Variants in EXOC5 observed in about 807,000 individuals in gnomAD.
EXOC5 encodes the protein SEC10-like 1.
In EXOC5, 17 loss-of-function variants were observed where a neutral mutation model predicts 90.8. The ratio of observed to expected loss-of-function variants is 0.19; its 90% CI spans 0.13 to 0.28. The LOEUF is 0.28. EXOC5 is among the 10% of genes least tolerant of loss of function. The pLI is 1.00. For synonymous variants in EXOC5, 260 were observed against 270.0 expected, an observed-to-expected ratio of 0.96 and a Z score of 0.36; for missense variants, 569 against 830.6, an observed-to-expected ratio of 0.69 and a Z score of 3.87.
At chr14:57,228,327 A>T (rs1012040320) in intron 12 of EXOC5, among the ~76,000 whole-genome samples, 2 of 152,180 alleles carry the variant, frequency 1.3e-5, no homozygotes, top group South Asian at 4.1e-4. Context: ...CAGAATTACC[A>T]TTTGACCCAG....
At chr14:57,242,753 T>C (rs1883908774) in intron 4 of EXOC5, among the ~76,000 whole-genome samples, 1 of 152,138 alleles carries the variant, frequency 6.6e-6, no homozygotes, top group Non-Finnish European at 1.5e-5. Flanking sequence ...TATCTAATAA[T>C]TGGCAATCTA....
intron 1 of EXOC5, among the ~76,000 whole-genome samples, chr14:57,265,458 C>A (rs1474697083): frequency 1.3e-5 from 2 of 152,100 alleles, no homozygotes; most frequent in Admixed American, 6.5e-5. Flanking sequence ...CACGGTGGCT[C>A]ACACCTGTAA....
intron 12 of EXOC5, among the ~76,000 whole-genome samples, chr14:57,227,382 T>A (rs1393555565): frequency 6.6e-6 from 1 of 152,228 alleles, no homozygotes; most frequent in Non-Finnish European, 1.5e-5. Flanking sequence ...TAAATTGTTG[T>A]ATAGTTTTCT....
intron 15 of EXOC5, among the ~76,000 whole-genome samples, chr14:57,213,107 G>C (rs1375835747): frequency 6.6e-6 from 1 of 150,976 alleles, no homozygotes; most frequent in African/African-American, 2.5e-5. Flanking sequence ...AGTGCTGCTA[G>C]GCATGGTGAC....
chr14:57,225,966 T>C (rs1440375880), intron 12 of EXOC5, among the ~76,000 whole-genome samples: 1 of 152,196 alleles, frequency 6.6e-6, no homozygotes, highest in African/African-American at 2.4e-5. Context: ...ACAATTTGCA[T>C]GTCAGAGGTG....
intron 1 of EXOC5, among the ~76,000 whole-genome samples, chr14:57,250,809 A>C (rs1310522509): frequency 1.3e-5 from 2 of 152,222 alleles, no homozygotes; most frequent in African/African-American, 4.8e-5. Flanking sequence ...CTAATCATGC[A>C]GGATGGCAAA....
At position 57,231,612 on chromosome 14, in the gene EXOC5, T is replaced by C; in HGVS notation, c.1042A>G (p.Asn348Asp). 1 of 1,612,948 alleles carries C rather than the reference T, an allele frequency of 6.2e-7. No homozygotes were observed. The highest frequency in any genetic ancestry group is 1.7e-5 in the Admixed American group (1 of 60,012). ...IKSIFISYLE[N>D]YIEVETGYLK... is the part of the protein sequence containing the mutation. Reference sequence around the variant, plus strand: ...TATCCAGTCTCCACCTCAATATAGTTCTCCAAATAGGAAATGAAAATGGAT... The same window carrying C: ...TATCCAGTCTCCACCTCAATATAGTCCTCCAAATAGGAAATGAAAATGGAT... The change falls in exon 11 of 18, where the codon AAC (asparagine) becomes GAC (aspartate). Residue 348 changes from asparagine (N) to aspartate (D), a missense_variant. Transcript: ENST00000621441.
In EXOC5 at chr14:57,229,728, T is replaced by C. The variant is rs998005748; in HGVS notation, c.1296+6A>G. Reference sequence around the variant, plus strand: ...ATATGTAAAATACATTTACAATCACTCTTACCCTATGACATCTTTCAAAGG... The same window carrying C: ...ATATGTAAAATACATTTACAATCACCCTTACCCTATGACATCTTTCAAAGG... On this transcript the variant is annotated splice_donor_region_variant and intron_variant, in intron 12 of 17. Transcript: ENST00000621441. 1.1e-5 allele frequency: 17 copies of C among 1,507,818 alleles called. No homozygotes were observed. The highest frequency in any genetic ancestry group is 1.4e-5 in the African/African-American group (1 of 72,506). 93.4% of individuals were successfully genotyped at this position (1,507,818 alleles called of 1,614,324 possible).
At chr14:57,210,834 C>T (rs1882805684) in intron 15 of EXOC5, among the ~76,000 whole-genome samples, 1 of 152,194 alleles carries the variant, frequency 6.6e-6, no homozygotes, top group South Asian at 2.1e-4. Flanking sequence ...AACATAACCA[C>T]AATACCTGTT....
intron 5 of EXOC5, among the ~76,000 whole-genome samples, chr14:57,238,233 C>T (rs1351911688): frequency 4.7e-5 from 7 of 149,352 alleles, no homozygotes; most frequent in African/African-American, 1.7e-4. Context: ...TACACACACA[C>T]ACACACACAC....
rs924366154 is a variant in EXOC5, at chr14:57,201,178, A to C, written c.*7431T>G. 2 of 152,086 alleles carry C rather than the reference A, an allele frequency of 1.3e-5. No individual in the cohort carries two copies. The highest frequency in any genetic ancestry group is 4.8e-5 in the African/African-American group (2 of 41,422). The allele number at this position is 152,086 out of a possible 1,614,324, so 9.4% of individuals were successfully genotyped here. A position where few individuals can be genotyped will look rare whatever the true frequency, so the allele number is the denominator to read the frequency against. Reference sequence around the variant, plus strand: ...AACTGCCAATTTCACTAAAAGGTGGAGGAATGGCTGATTCCAGAGCTGGGG... The same window carrying C: ...AACTGCCAATTTCACTAAAAGGTGGCGGAATGGCTGATTCCAGAGCTGGGG... On this transcript the variant is annotated 3_prime_UTR_variant, in exon 18 of 18. Coordinates refer to ENST00000621441, the MANE Select transcript of EXOC5 (RefSeq NM_006544.4).
At chr14:57,220,230 A>G (rs1304556459) in intron 13 of EXOC5, among the ~76,000 whole-genome samples, 1 of 151,858 alleles carries the variant, frequency 6.6e-6, no homozygotes, top group Non-Finnish European at 1.5e-5. Context: ...CAAGTAAAAG[A>G]CAAGATTACC....
chr14:57,208,866 CT>C, intron 17 of EXOC5, 69 bp from the exon 18 acceptor site: 1 of 1,056,884 alleles, frequency 9.5e-7, no homozygotes, highest in Non-Finnish European at 1.4e-6. Context: ...TAGCTTGTAA[CT>C]TTTTACATAC....
chr14:57,230,861 A>C (rs1883461285), intron 11 of EXOC5, among the ~76,000 whole-genome samples: 1 of 151,664 alleles, frequency 6.6e-6, no homozygotes, highest in African/African-American at 2.4e-5. Context: ...CAACAGTAAC[A>C]AAAAAAAGAT....
In EXOC5 at chr14:57,244,225, T is replaced by C. The variant is rs376225238; in HGVS notation, c.405A>G (p.Lys135=). 6.8e-6 allele frequency: 11 copies of C among 1,613,726 alleles called. No individual in the cohort carries two copies. The African/African-American group carries it at 1.1e-4, about 16-fold the overall frequency. The change falls in exon 4 of 18, where the codon AAA becomes AAG. Residue 135 remains lysine, a synonymous_variant. Transcript: ENST00000621441. ...QRAVEAQKLM[K]YFNEFLDGEL... is the part of the protein sequence containing the mutation. ...CTCCATCTAGAAACTCATTAAAGTA[T>C]TTCATCAATTTCTGAGCCTCCACTG... is the stretch of plus-strand genomic sequence containing the variant.
Position 57,247,728 on chromosome 14 carries a change from A to C in EXOC5, c.28-16T>G. On this transcript the variant is annotated splice_polypyrimidine_tract_variant and intron_variant, in intron 1 of 17. Coordinates refer to ENST00000621441, the MANE Select transcript of EXOC5 (RefSeq NM_006544.4). ...CAAAAGGCTCCTAGTTTACAAAAAA[A>C]TACGCTTTAACAAAGTTTCATATAC... The C allele has an allele frequency of 7.2e-7, 1 of 1,392,352 alleles. No individual in the cohort carries two copies. The highest frequency in any genetic ancestry group is 9.8e-7 in the Non-Finnish European group (1 of 1,023,806). 86.2% of individuals were successfully genotyped at this position (1,392,352 alleles called of 1,614,324 possible). A position where few individuals can be genotyped will look rare whatever the true frequency, so the allele number is the denominator to read the frequency against.
At chr14:57,223,521 C>A (rs1409660020) in intron 12 of EXOC5, among the ~76,000 whole-genome samples, 1 of 152,050 alleles carries the variant, frequency 6.6e-6, no homozygotes, top group Non-Finnish European at 1.5e-5. Flanking sequence ...AACCTTTACC[C>A]CTCCCTCATC....
chr14:57,206,698 C>T lies in EXOC5; in HGVS notation c.*1911G>A, dbSNP rs1375421177. The T allele has an allele frequency of 1.3e-5, 2 of 152,302 alleles. No individual in the cohort carries two copies. The highest frequency in any genetic ancestry group is 4.8e-5 in the African/African-American group (2 of 41,370). The allele number at this position is 152,302 out of a possible 1,614,324, so 9.4% of individuals were successfully genotyped here. A position where few individuals can be genotyped will look rare whatever the true frequency, so the allele number is the denominator to read the frequency against. On this transcript the variant is annotated 3_prime_UTR_variant, in exon 18 of 18. Transcript: ENST00000621441. The stretch of plus-strand genomic sequence containing the variant: ...AACGGACATAATAGAAAATATTGCA[C>T]AGAACTCAAACATGAAAATAATAAA...
intron 1 of EXOC5, among the ~76,000 whole-genome samples, chr14:57,252,306 C>T (rs1045449482): frequency 2.0e-5 from 3 of 152,106 alleles, no homozygotes; most frequent in Non-Finnish European, 2.9e-5. Context: ...AAATCCTCAA[C>T]GAAGTATCAG....
Sources: gnomAD v4.1 joint callset for allele counts (sites outside exome capture counted in the v4.1 genomes callset) on GRCh38, gnomAD v4.1.1 for gene constraint, MANE v1.5 for transcripts, NCBI Gene and HGNC (gene_info 2026-07-23, HGNC 2026-07-21) for gene names.